The following TASP1 variants were observed in gnomAD, a reference collection of about 807,000 sequenced individuals.
TASP1 encodes taspase 1, also known as threonine aspartase 1.
A neutral mutation model predicts 56.6 loss-of-function variants in TASP1; 16 were observed. The ratio of observed to expected loss-of-function variants is 0.28; its 90% CI spans 0.19 to 0.43. The LOEUF is 0.43. Among genes scored for constraint, TASP1 ranks in the 20% least tolerant of loss-of-function variants. TASP1 has a pLI of 1.00. For missense variants in TASP1, 393 were observed against 511.6 expected, an observed-to-expected ratio of 0.77 and a Z score of 2.24; for synonymous variants, 179 against 184.2, an observed-to-expected ratio of 0.97 and a Z score of 0.23.
At chr20:13,403,119 G>C (rs1049547086) in intron 13 of TASP1, among the ~76,000 whole-genome samples, 44 of 152,174 alleles carry the variant, frequency 2.9e-4, no homozygotes, top group Non-Finnish European at 1.5e-5. Flanking sequence ...TCAGGGAGGA[G>C]TGTCTTTTCT....
At chr20:13,362,958 A>G in the TASP1 span, among the ~76,000 whole-genome samples, 1 of 151,742 alleles carries the variant, frequency 6.6e-6, no homozygotes, top group Non-Finnish European at 1.5e-5. Context: ...CTGGTTCCTG[A>G]GACAGGGACC....
chr20:13,435,249 T>A, intron 11 of TASP1, 95 bp from the exon 12 acceptor site: 1 of 892,742 alleles, frequency 1.1e-6, no homozygotes, highest in Non-Finnish European at 1.7e-6. Flanking sequence ...GTGGCATGAA[T>A]AAGAAAATGC....
At position 13,559,028 on chromosome 20, in the gene TASP1, T is replaced by C; in HGVS notation, c.655A>G (p.Arg219Gly). ...CTGACCTTCTCACTTGATTGTCTTC[T>C]TTTCTTTAGTTGCATAAAATCTGTG... ...VDTDFMQLKKRRQSSEKENDS... is the reference protein window; with the variant it reads ...VDTDFMQLKKGRQSSEKENDS... The change falls in exon 8 of 14, where the codon AGA (arginine) becomes GGA (glycine). Residue 219 changes from arginine (R) to glycine (G), a missense_variant. Arg to Gly is a moderately radical substitution (Grantham distance 125). Transcript: ENST00000337743. 6.3e-7 allele frequency: 1 copy of C among 1,592,600 alleles called. No individual in the cohort carries two copies. The highest frequency in any genetic ancestry group is 8.5e-7 in the Non-Finnish European group (1 of 1,169,692).
At chr20:13,380,261 T>C in the TASP1 span, among the ~76,000 whole-genome samples, 1 of 152,228 alleles carries the variant, frequency 6.6e-6, no homozygotes, top group African/African-American at 2.4e-5. Context: ...AGTTTTTGTG[T>C]GGGCGTCCTT....
the TASP1 span, among the ~76,000 whole-genome samples, chr20:13,124,602 A>G: frequency 2.6e-5 from 4 of 152,204 alleles, no homozygotes; most frequent in African/African-American, 7.2e-5. Flanking sequence ...TGAAAGACAT[A>G]TTGAAGACAG....
intron 4 of TASP1, among the ~76,000 whole-genome samples, chr20:13,607,101 C>T (rs1360430011): frequency 6.6e-6 from 1 of 152,138 alleles, no homozygotes; most frequent in Admixed American, 6.5e-5. Flanking sequence ...CAAACTTAGG[C>T]AACAGTATTT....
chr20:13,349,976 C>T, the TASP1 span, among the ~76,000 whole-genome samples: 2 of 152,068 alleles, frequency 1.3e-5, no homozygotes, highest in African/African-American at 2.4e-5. Flanking sequence ...CATAGGGAGA[C>T]CCTGTCTCTA....
the TASP1 span, among the ~76,000 whole-genome samples, chr20:13,232,883 T>C: frequency 6.6e-6 from 1 of 152,204 alleles, no homozygotes; most frequent in Admixed American, 6.5e-5. Flanking sequence ...AGATACTGTC[T>C]CCTTAGAAGG....
chr20:13,554,593 T>G (rs1341128390), intron 8 of TASP1, among the ~76,000 whole-genome samples: 3 of 152,120 alleles, frequency 2.0e-5, no homozygotes, highest in Non-Finnish European at 4.4e-5. Flanking sequence ...CAGGCATAAC[T>G]TGGAAATAGT....
chr20:13,531,191 T>C (rs1285993268), intron 9 of TASP1, among the ~76,000 whole-genome samples: 3 of 152,182 alleles, frequency 2.0e-5, no homozygotes, highest in Admixed American at 6.6e-5. Flanking sequence ...GTTTGTAAGG[T>C]AGCCGGTTAT....
At chr20:13,589,892 G>A (rs1477400081) in intron 4 of TASP1, among the ~76,000 whole-genome samples, 1 of 152,150 alleles carries the variant, frequency 6.6e-6, no homozygotes, top group East Asian at 1.9e-4. Flanking sequence ...GCAACAAAGT[G>A]AGACCCTGTC....
intron 10 of TASP1, among the ~76,000 whole-genome samples, chr20:13,512,370 T>C (rs1418484524): frequency 6.6e-6 from 1 of 152,180 alleles, no homozygotes; most frequent in Non-Finnish European, 1.5e-5. Flanking sequence ...TGATGAGCAT[T>C]TTTTCATGTG....
At chr20:13,116,071 C>T in the TASP1 span, among the ~76,000 whole-genome samples, 4 of 152,130 alleles carry the variant, frequency 2.6e-5, no homozygotes, top group Non-Finnish European at 5.9e-5. Context: ...AATCTGAACT[C>T]GGCCATCCAA....
At chr20:13,118,673 A>T in the TASP1 span, among the ~76,000 whole-genome samples, 1 of 152,170 alleles carries the variant, frequency 6.6e-6, no homozygotes, top group East Asian at 1.9e-4. Context: ...TCAGCCTAGG[A>T]TGCCACACCA....
At chr20:13,328,957 TAAAA>T in the TASP1 span, among the ~76,000 whole-genome samples, 2 of 152,128 alleles carry the variant, frequency 1.3e-5, no homozygotes, top group Non-Finnish European at 2.9e-5. Flanking sequence ...GAACTTAAAA[TAAAA>T]ATTGAATTTA....
At chr20:13,450,096 G>C (rs1395392661) in intron 11 of TASP1, among the ~76,000 whole-genome samples, 2 of 152,120 alleles carry the variant, frequency 1.3e-5, no homozygotes, top group Admixed American at 1.3e-4. Context: ...TGAAAGTTAT[G>C]TTTACACTAC....
the TASP1 span, among the ~76,000 whole-genome samples, chr20:13,309,692 A>C: frequency 1.3e-5 from 2 of 152,204 alleles, no homozygotes; most frequent in Non-Finnish European, 2.9e-5. Context: ...TTATATTCAG[A>C]AAATCCTAAA....
At chr20:13,360,404 T>C in the TASP1 span, among the ~76,000 whole-genome samples, 19 of 150,154 alleles carry the variant, frequency 1.3e-4, no homozygotes, top group Middle Eastern at 0.01. Context: ...TAAAAATACA[T>C]GTGCTCTCCC....
chr20:13,107,724 C>T, the TASP1 span, among the ~76,000 whole-genome samples: 1 of 151,362 alleles, frequency 6.6e-6, no homozygotes, highest in Admixed American at 6.6e-5. Context: ...TGACAAAGCA[C>T]CTAAAGAGTT....
Sources: allele counts gnomAD v4.1 joint callset (sites outside exome capture counted in the v4.1 genomes callset), GRCh38; gene constraint gnomAD v4.1.1; transcripts MANE v1.5; gene names NCBI Gene and HGNC (gene_info 2026-07-23, HGNC 2026-07-21).